Variants in TCF15 observed in about 807,000 individuals in gnomAD.
The protein encoded by TCF15 is transcription factor 15, also known as TCF-15.
TCF15 carries 7 observed loss-of-function variants against 11.1 expected under a neutral mutation model. That is an observed-to-expected ratio of 0.63 (90% CI 0.36 to 1.19). The LOEUF is 1.19. TCF15 is among the 50% of genes most tolerant of loss of function. TCF15 has a pLI of 0.02. For missense variants in TCF15, 288 were observed against 289.4 expected, an observed-to-expected ratio of 1.00 and a Z score of 0.03; for synonymous variants, 144 against 138.9, an observed-to-expected ratio of 1.04 and a Z score of -0.26.
Position 609,428 on chromosome 20 carries a change from G to A in TCF15, c.525+285C>T, listed in dbSNP as rs1477793834. ...GTCTTTGTTACTCAGTCCTCATGCC[G>A]TCTTCCCAGCAGGAAGGAAGTTCCA... On this transcript the variant is annotated intron_variant, in intron 1 of 1. Coordinates refer to ENST00000246080, the MANE Select transcript of TCF15 (RefSeq NM_004609.4). The surrounding 1 kb of genome is among the most constrained non-coding windows in gnomAD (Gnocchi z 4.7). Among the ~76,000 whole-genome samples the A allele has an allele frequency of 6.6e-6, 1 of 152,200 alleles. No homozygotes were observed. Among genetic ancestry groups the A allele is most frequent in the Non-Finnish European group, 1.5e-5 (1 of 68,038 alleles).
Position 609,761 on chromosome 20 carries a change from G to A in TCF15, c.477C>T (p.Arg159=). The A allele has an allele frequency of 7.1e-7, 1 of 1,405,152 alleles. No individual in the cohort carries two copies. Among genetic ancestry groups the A allele is most frequent in the Non-Finnish European group, 9.2e-7 (1 of 1,091,948 alleles). The allele number at this position is 1,405,152 out of a possible 1,614,324, so 87.0% of individuals were successfully genotyped here. ...AGAAGGTGCAGATGGAGCGCGGCTG[G>A]CGGCCGCCGTCGGCGGCGGCGGGGA... ...GAVPAAADGG[R]QPRSICTFCL... is the part of the protein sequence containing the mutation. The change falls in exon 1 of 2, where the codon CGC becomes CGT. Residue 159 remains arginine, a synonymous_variant. Transcript: ENST00000246080. The surrounding 1 kb of genome is among the most constrained non-coding windows in gnomAD (Gnocchi z 4.7).
intron 1 of TCF15, among the ~76,000 whole-genome samples, chr20:606,337 GC>G (rs2019974782): frequency 6.6e-6 from 1 of 152,040 alleles, no homozygotes; most frequent in Non-Finnish European, 1.5e-5. Context: ...AGGGAGAGCC[GC>G]CCCCTCCCAC....
Position 604,455 on chromosome 20 carries a change from G to T in TCF15, c.*136C>A. The T allele has an allele frequency of 1.3e-6, 1 of 792,168 alleles. No homozygotes were observed. Among genetic ancestry groups the T allele is most frequent in the Non-Finnish European group, 2.1e-6 (1 of 466,330 alleles). 49.1% of individuals were successfully genotyped at this position (792,168 alleles called of 1,614,324 possible). A position where few individuals can be genotyped will look rare whatever the true frequency, so the allele number is the denominator to read the frequency against. On this transcript the variant is annotated 3_prime_UTR_variant, in exon 2 of 2. Transcript: ENST00000246080. The surrounding 1 kb of genome is among the most constrained non-coding windows in gnomAD (Gnocchi z 4.2). ...CAGGATCGGGTGGAGATGTCCCGAG[G>T]GCCCTGCCCAGAGTGTCCCGGAACA... is the stretch of plus-strand genomic sequence containing the variant.
At position 604,587 on chromosome 20, in the gene TCF15, A is replaced by G. The variant is rs1054886836; in HGVS notation, c.*4T>C. On this transcript the variant is annotated 3_prime_UTR_variant, in exon 2 of 2. Coordinates refer to ENST00000246080, the MANE Select transcript of TCF15 (RefSeq NM_004609.4). The surrounding 1 kb of genome is among the most constrained non-coding windows in gnomAD (Gnocchi z 4.2). ...CTCCTGGCCTCCTTCTCCAGGGTCC[A>G]GGCTCATCTCCGTGGCCCTCGAAGG... The G allele has an allele frequency of 3.9e-6, 6 of 1,552,234 alleles. No individual in the cohort carries two copies. The highest frequency in any genetic ancestry group is 1.7e-4 in the Middle Eastern group (1 of 5,972).
chr20:608,043 C>T (rs2122241149), intron 1 of TCF15, among the ~76,000 whole-genome samples: 1 of 152,278 alleles, frequency 6.6e-6, no homozygotes, highest in South Asian at 2.1e-4. Flanking sequence ...TTGCTGTATG[C>T]CCCAATCCTA....
chr20:609,971 G>A lies in TCF15; in HGVS notation c.267C>T (p.Asn89=), dbSNP rs2020009928. The A allele has an allele frequency of 1.4e-6, 2 of 1,467,796 alleles. No homozygotes were observed. The highest frequency in any genetic ancestry group is 1.4e-5 in the South Asian group (1 of 72,470). The allele number at this position is 1,467,796 out of a possible 1,614,324, so 90.9% of individuals were successfully genotyped here. A position where few individuals can be genotyped will look rare whatever the true frequency, so the allele number is the denominator to read the frequency against. The change falls in exon 1 of 2, where the codon AAC becomes AAT. Residue 89 remains asparagine (N), a synonymous_variant. Transcript: ENST00000246080. This position sits in a 1 kb window ranked among gnomAD's most constrained non-coding sequence, Gnocchi z 4.7. ...ARERDRTQSV[N]TAFTALRTLI... ...GCGTGCGCAGCGCCGTGAAGGCCGT[G>A]TTCACGCTCTGAGTGCGGTCCCGCT...
At chr20:607,614 T>C (rs890667602) in intron 1 of TCF15, among the ~76,000 whole-genome samples, 9 of 152,346 alleles carry the variant, frequency 5.9e-5, no homozygotes, top group South Asian at 4.1e-4. Context: ...CTTGGTCCCA[T>C]AGACAGATCC....
In TCF15 at chr20:610,059, C is replaced by CCG; in HGVS notation, c.178_179insCG (p.Gly60AlafsTer30). ...CACGGGGCCCGCGCCGCCGCCGCCG[C>CCG]CCGCCCGCCGCCCGCCCCCGGGGCC... On this transcript the variant is annotated frameshift_variant, in exon 1 of 2. Transcript: ENST00000246080. LOFTEE classifies it high-confidence loss of function. 9.4e-7 allele frequency: 1 copy of CCG among 1,067,510 alleles called. No individual in the cohort carries two copies. The highest frequency in any genetic ancestry group is 1.1e-6 in the Non-Finnish European group (1 of 884,466). The allele number at this position is 1,067,510 out of a possible 1,614,324, so 66.1% of individuals were successfully genotyped here.
rs1464374151 is a variant in TCF15, at chr20:604,344, C to T, written c.*247G>A. ...ACGCACAGATACACACACACCCTGT[C>T]ACCAACAGTCTTTGTTTTTCCAAAA... On this transcript the variant is annotated 3_prime_UTR_variant, in exon 2 of 2. Coordinates refer to ENST00000246080, the MANE Select transcript of TCF15 (RefSeq NM_004609.4). This position sits in a 1 kb window ranked among gnomAD's most constrained non-coding sequence, Gnocchi z 4.2. 5.1e-6 allele frequency: 3 copies of T among 584,318 alleles called. No individual in the cohort carries two copies. The highest frequency in any genetic ancestry group is 4.6e-4 in the Middle Eastern group (1 of 2,172). 36.2% of individuals were successfully genotyped at this position (584,318 alleles called of 1,614,324 possible). A position where few individuals can be genotyped will look rare whatever the true frequency, so the allele number is the denominator to read the frequency against.
rs1386221064 is a variant in TCF15 at position 609,663 on chromosome 20, C to A, written c.525+50G>T. ...CTCCGGTTCCCGCAGAGGCGCTGCC[C>A]CCCGCCTACCCCGACCTGGCGGCCG... On this transcript the variant is annotated intron_variant, in intron 1 of 1. Transcript: ENST00000246080. The surrounding 1 kb of genome is among the most constrained non-coding windows in gnomAD (Gnocchi z 4.7). The A allele has an allele frequency of 4.5e-6, 6 of 1,326,622 alleles. No homozygotes were observed. In the East Asian group the frequency reaches 1.3e-4, roughly 28 times the overall value. 82.2% of individuals were successfully genotyped at this position (1,326,622 alleles called of 1,614,324 possible).
intron 1 of TCF15, among the ~76,000 whole-genome samples, chr20:606,723 C>T (rs1370037060): frequency 6.6e-6 from 1 of 150,788 alleles, no homozygotes; most frequent in Non-Finnish European, 1.5e-5. Flanking sequence ...GAGGCTGGGG[C>T]AGGAGAACTG....
At position 609,649 on chromosome 20, in the gene TCF15, GCA is replaced by G; in HGVS notation, c.525+62_525+63del. On this transcript the variant is annotated intron_variant, in intron 1 of 1. Coordinates refer to ENST00000246080, the MANE Select transcript of TCF15 (RefSeq NM_004609.4). The surrounding 1 kb of genome is among the most constrained non-coding windows in gnomAD (Gnocchi z 4.7). ...GGACCCCTGCACCTCTCCGGTTCCCGCAGAGGCGCTGCCCCCCGCCTACCCCG... is the reference window on the plus strand; with the variant it reads ...GGACCCCTGCACCTCTCCGGTTCCCGGAGGCGCTGCCCCCCGCCTACCCCG... 7.6e-7 allele frequency: 1 copy of G among 1,311,694 alleles called. No homozygotes were observed. Among genetic ancestry groups the G allele is most frequent in the Non-Finnish European group, 9.6e-7 (1 of 1,038,094 alleles). 81.3% of individuals were successfully genotyped at this position (1,311,694 alleles called of 1,614,324 possible).
chr20:604,456 G>A lies in TCF15; in HGVS notation c.*135C>T. The A allele has an allele frequency of 3.8e-6, 3 of 799,540 alleles. No individual in the cohort carries two copies. The highest frequency in any genetic ancestry group is 6.4e-6 in the Non-Finnish European group (3 of 471,358). The allele number at this position is 799,540 out of a possible 1,614,324, so 49.5% of individuals were successfully genotyped here. On this transcript the variant is annotated 3_prime_UTR_variant, in exon 2 of 2. Coordinates refer to ENST00000246080, the MANE Select transcript of TCF15 (RefSeq NM_004609.4). The surrounding 1 kb of genome is among the most constrained non-coding windows in gnomAD (Gnocchi z 4.2). ...AGGATCGGGTGGAGATGTCCCGAGG[G>A]CCCTGCCCAGAGTGTCCCGGAACAG...
rs2020002192 is a variant in TCF15 at position 609,310 on chromosome 20, G to A, written c.525+403C>T. On this transcript the variant is annotated intron_variant, in intron 1 of 1. Coordinates refer to ENST00000246080, the MANE Select transcript of TCF15 (RefSeq NM_004609.4). This position sits in a 1 kb window ranked among gnomAD's most constrained non-coding sequence, Gnocchi z 4.7. Reference sequence around the variant, plus strand: ...CTCAGATCCTCATCAGGATAAAATGGGCAGAAAAACTACCTGCCTGAAGGG... The same window carrying A: ...CTCAGATCCTCATCAGGATAAAATGAGCAGAAAAACTACCTGCCTGAAGGG... Among the ~76,000 whole-genome samples the A allele has an allele frequency of 6.6e-6, 1 of 152,144 alleles. No homozygotes were observed. The highest frequency in any genetic ancestry group is 2.1e-4 in the South Asian group (1 of 4,834).
At position 604,704 on chromosome 20, in the gene TCF15, G is replaced by T. The variant is rs984327054; in HGVS notation, c.526-39C>A. 6.0e-6 allele frequency: 9 copies of T among 1,500,178 alleles called. No individual in the cohort carries two copies. In the African/African-American group the frequency reaches 1.1e-4, roughly 19 times the overall value. The allele number at this position is 1,500,178 out of a possible 1,614,324, so 92.9% of individuals were successfully genotyped here. A position where few individuals can be genotyped will look rare whatever the true frequency, so the allele number is the denominator to read the frequency against. ...GAAAGAGTATAAAGAGGTTCGATTA[G>T]GCCAGTGTGAACACTGGAACTAACC... On this transcript the variant is annotated intron_variant, in intron 1 of 1. Coordinates refer to ENST00000246080, the MANE Select transcript of TCF15 (RefSeq NM_004609.4). The surrounding 1 kb of genome is among the most constrained non-coding windows in gnomAD (Gnocchi z 4.2).
chr20:610,208 G>T lies in TCF15; in HGVS notation c.30C>A (p.Gly10=). 1 of 1,029,112 alleles carries T rather than the reference G, an allele frequency of 9.7e-7. No individual in the cohort carries two copies. The highest frequency in any genetic ancestry group is 3.3e-5 in the South Asian group (1 of 30,336). The allele number at this position is 1,029,112 out of a possible 1,614,324, so 63.7% of individuals were successfully genotyped here. A position where few individuals can be genotyped will look rare whatever the true frequency, so the allele number is the denominator to read the frequency against. Residue 10 remains glycine (G), a synonymous_variant, in exon 1 of 2, where the codon GGC becomes GGA. Coordinates refer to ENST00000246080, the MANE Select transcript of TCF15 (RefSeq NM_004609.4). MAFALLRPV[G]AHVLYPDVRL... is the part of the protein sequence containing the mutation. ...GCACGTCCGGGTACAGCACGTGCGC[G>T]CCGACGGGCCGCAGCAGCGCGAACG...
Position 604,376 on chromosome 20 carries a change from C to T in TCF15, c.*215G>A. On this transcript the variant is annotated 3_prime_UTR_variant, in exon 2 of 2. Transcript: ENST00000246080. This position sits in a 1 kb window ranked among gnomAD's most constrained non-coding sequence, Gnocchi z 4.2. The stretch of plus-strand genomic sequence containing the variant: ...AGTCTTTGTTTTTCCAAAAGTTCTG[C>T]CTTGTCTCTGACCAGCCAGAGCTGG... The T allele has an allele frequency of 3.3e-6, 2 of 604,196 alleles. No homozygotes were observed. The highest frequency in any genetic ancestry group is 5.5e-5 in the East Asian group (2 of 36,096). The allele number at this position is 604,196 out of a possible 1,614,324, so 37.4% of individuals were successfully genotyped here.
chr20:605,143 G>T (rs547658495), intron 1 of TCF15, among the ~76,000 whole-genome samples: 3 of 152,072 alleles, frequency 2.0e-5, no homozygotes, highest in African/African-American at 4.8e-5. Flanking sequence ...GGGGCCCACC[G>T]CCACACCCGG....
In TCF15 at chr20:609,579, C is replaced by T. The variant is rs1445478536; in HGVS notation, c.525+134G>A. ...GTCAGTGGTTCTGGGCTTGGGGTGC[C>T]GCACCCAGCACGAATTCCACGTCGC... On this transcript the variant is annotated intron_variant, in intron 1 of 1. Coordinates refer to ENST00000246080, the MANE Select transcript of TCF15 (RefSeq NM_004609.4). The surrounding 1 kb of genome is among the most constrained non-coding windows in gnomAD (Gnocchi z 4.7). The T allele has an allele frequency of 9.3e-7, 1 of 1,079,974 alleles. No homozygotes were observed. The highest frequency in any genetic ancestry group is 1.2e-6 in the Non-Finnish European group (1 of 836,248). The allele number at this position is 1,079,974 out of a possible 1,614,324, so 66.9% of individuals were successfully genotyped here. A position where few individuals can be genotyped will look rare whatever the true frequency, so the allele number is the denominator to read the frequency against.
Sources: gnomAD v4.1 joint callset for allele counts (sites outside exome capture counted in the v4.1 genomes callset) on GRCh38, gnomAD v4.1.1 for gene constraint, Gnocchi (gnomAD v3.1) non-coding constraint, MANE v1.5 for transcripts, NCBI Gene and HGNC (gene_info 2026-07-23, HGNC 2026-07-21) for gene names.